Variants in MGAT4A observed in about 807,000 individuals in gnomAD.
MGAT4A encodes N-acetylglucosaminyltransferase IVa.
MGAT4A carries 33 observed loss-of-function variants against 74.1 expected under a neutral mutation model. The ratio of observed to expected loss-of-function variants is 0.45; its 90% CI spans 0.34 to 0.60. MGAT4A has a LOEUF of 0.60. MGAT4A is among the 20% of genes least tolerant of loss of function. The pLI is 0.02. For synonymous variants in MGAT4A, 198 were observed against 210.4 expected (o/e 0.94, Z 0.51); for missense variants, 479 against 628.3 (o/e 0.76, Z 2.54).
At chr2:98,638,065 T>C (rs1044202598) in intron 12 of MGAT4A, among the ~76,000 whole-genome samples, 6 of 152,136 alleles carry the variant, frequency 3.9e-5, no homozygotes, top group African/African-American at 7.2e-5. Context: ...TTCCTACAGC[T>C]GCGTGTGAAT....
intron 14 of MGAT4A, among the ~76,000 whole-genome samples, chr2:98,631,181 C>T (rs1221964561): frequency 6.6e-6 from 1 of 152,248 alleles, no homozygotes; most frequent in Admixed American, 6.5e-5. Context: ...ACTCTTCTAA[C>T]CCCCACGCCA....
chr2:98,682,152 G>T (rs1702068464), intron 2 of MGAT4A, among the ~76,000 whole-genome samples: 1 of 152,150 alleles, frequency 6.6e-6, no homozygotes, highest in South Asian at 2.1e-4. Flanking sequence ...GCCAGGTGCG[G>T]TGGCTCACGC....
Position 98,621,870 on chromosome 2 carries a change from G to A in MGAT4A, c.*3696C>T, listed in dbSNP as rs1263260279. ...CAACACCTTCTAATTATTGACTAGT[G>A]CAACCACTGATTTGAGAAGATACAC... On this transcript the variant is annotated 3_prime_UTR_variant, in exon 16 of 16. Transcript: ENST00000393487. 2.0e-6 allele frequency: 2 copies of A among 1,005,708 alleles called. No individual in the cohort carries two copies. Among genetic ancestry groups the A allele is most frequent in the Non-Finnish European group, 2.4e-6 (2 of 843,136 alleles). 62.3% of individuals were successfully genotyped at this position (1,005,708 alleles called of 1,614,324 possible).
chr2:98,702,242 T>C (rs1051239514), intron 2 of MGAT4A, among the ~76,000 whole-genome samples: 4 of 152,162 alleles, frequency 2.6e-5, no homozygotes, highest in African/African-American at 7.2e-5. Context: ...CCTTGAAAAC[T>C]AGCAAACTCA....
intron 4 of MGAT4A, 134 bp from the exon 5 acceptor site, chr2:98,663,313 A>G (rs1360759366): frequency 6.6e-7 from 1 of 1,522,752 alleles, no homozygotes; most frequent in Admixed American, 2.3e-5. Flanking sequence ...AAGTTTCAGG[A>G]AGAAAAATAA....
intron 4 of MGAT4A, among the ~76,000 whole-genome samples, chr2:98,663,922 T>C (rs572702424): frequency 6.6e-6 from 1 of 152,206 alleles, no homozygotes; most frequent in Non-Finnish European, 1.5e-5. Context: ...TATGAAAACT[T>C]TGTGACCAGG....
intron 4 of MGAT4A, 187 bp from the exon 5 acceptor site, chr2:98,663,366 A>G: frequency 6.5e-7 from 1 of 1,528,938 alleles, no homozygotes; most frequent in Non-Finnish European, 8.8e-7. Flanking sequence ...TCATTTTCAC[A>G]TGGCTTAACC....
At chr2:98,672,922 T>C (rs1701930531) in intron 4 of MGAT4A, among the ~76,000 whole-genome samples, 1 of 152,250 alleles carries the variant, frequency 6.6e-6, no homozygotes, top group Non-Finnish European at 1.5e-5. Flanking sequence ...TATTTTTAAA[T>C]CATATTCAGT....
intron 4 of MGAT4A, among the ~76,000 whole-genome samples, chr2:98,667,063 G>A (rs1370286598): frequency 6.6e-6 from 1 of 151,958 alleles, no homozygotes; most frequent in Non-Finnish European, 1.5e-5. Flanking sequence ...AAGATCTGAT[G>A]GTTTTAAAAA....
At chr2:98,714,481 A>T (rs145964198) in intron 2 of MGAT4A, among the ~76,000 whole-genome samples, 1 of 152,318 alleles carries the variant, frequency 6.6e-6, no homozygotes, top group East Asian at 1.9e-4. Context: ...AATCCAAGGG[A>T]TCACTAGGAA....
intron 13 of MGAT4A, among the ~76,000 whole-genome samples, chr2:98,636,057 G>A (rs751462082): frequency 6.7e-6 from 1 of 149,576 alleles, no homozygotes; most frequent in Non-Finnish European, 1.5e-5. Flanking sequence ...TAGTAGAAAC[G>A]TTCATATTAT....
Position 98,624,291 on chromosome 2 carries a change from C to G in MGAT4A, c.*1275G>C. ...CCTCCCAAAGTGCTGGGATTACAGG[C>G]GTGAGCCACAGCGCCTGGTGATAAT... On this transcript the variant is annotated 3_prime_UTR_variant, in exon 16 of 16. Coordinates refer to ENST00000393487, the MANE Select transcript of MGAT4A (RefSeq NM_012214.3). 2 of 944,812 alleles carry G rather than the reference C, an allele frequency of 2.1e-6. No individual in the cohort carries two copies. Among genetic ancestry groups the G allele is most frequent in the Non-Finnish European group, 2.5e-6 (2 of 793,026 alleles). 58.5% of individuals were successfully genotyped at this position (944,812 alleles called of 1,614,324 possible).
intron 2 of MGAT4A, among the ~76,000 whole-genome samples, chr2:98,705,944 G>A (rs1575277418): frequency 8.9e-6 from 1 of 112,362 alleles, no homozygotes; most frequent in Non-Finnish European, 1.7e-5. Context: ...GCGAGACTCC[G>A]TCTCAAAAAA....
chr2:98,724,890 T>C (rs1702737530), intron 2 of MGAT4A, among the ~76,000 whole-genome samples: 1 of 152,166 alleles, frequency 6.6e-6, no homozygotes, highest in South Asian at 2.1e-4. Flanking sequence ...TCAGGGACAA[T>C]CAATAGTTTG....
At chr2:98,659,895 TAA>T (rs753215057) in intron 5 of MGAT4A, among the ~76,000 whole-genome samples, 3 of 152,096 alleles carry the variant, frequency 2.0e-5, no homozygotes, top group Non-Finnish European at 4.4e-5. Flanking sequence ...GCTCAATTGT[TAA>T]AAGACTCAAT....
chr2:98,640,630 A>T (rs1416368196), intron 10 of MGAT4A, among the ~76,000 whole-genome samples: 1 of 152,140 alleles, frequency 6.6e-6, no homozygotes, highest in East Asian at 1.9e-4. Flanking sequence ...ACAAAACAAC[A>T]ACAACAAAAT....
chr2:98,682,763 C>T (rs1036597057), intron 2 of MGAT4A, among the ~76,000 whole-genome samples: 4 of 152,094 alleles, frequency 2.6e-5, no homozygotes, highest in Non-Finnish European at 4.4e-5. Flanking sequence ...AAGGAAACAT[C>T]GGACACATCC....
Position 98,624,024 on chromosome 2 carries a change from T to A in MGAT4A, c.*1542A>T. The A allele has an allele frequency of 3.0e-6, 3 of 985,498 alleles. No homozygotes were observed. Among genetic ancestry groups the A allele is most frequent in the Non-Finnish European group, 3.6e-6 (3 of 830,002 alleles). 61.0% of individuals were successfully genotyped at this position (985,498 alleles called of 1,614,324 possible). ...CTGATGTTGATACTTCATCTTTTTT[T>A]TTTTTTGAGACGGAGTCTAGCTGTG... On this transcript the variant is annotated 3_prime_UTR_variant, in exon 16 of 16. Transcript: ENST00000393487.
chr2:98,699,690 C>T (rs1702324961), intron 2 of MGAT4A, among the ~76,000 whole-genome samples: 1 of 151,972 alleles, frequency 6.6e-6, no homozygotes, highest in Non-Finnish European at 1.5e-5. Flanking sequence ...ATTATGGACC[C>T]ACTACAATTC....
Sources: allele counts gnomAD v4.1 joint callset (sites outside exome capture counted in the v4.1 genomes callset), GRCh38; gene constraint gnomAD v4.1.1; transcripts MANE v1.5; gene names NCBI Gene and HGNC (gene_info 2026-07-23, HGNC 2026-07-21).